The following PRKN variants were observed in gnomAD, a reference collection of about 807,000 sequenced individuals.
PRKN encodes E3 ubiquitin-protein ligase parkin.
PRKN carries 56 observed loss-of-function variants against 59.5 expected under a neutral mutation model. The ratio of observed to expected loss-of-function variants is 0.94; its 90% confidence interval spans 0.76 to 1.18. The LOEUF is 1.18. Ranked by LOEUF, PRKN falls within the 50% of genes most tolerant of loss-of-function variation. The probability of loss-of-function intolerance (pLI) is 0.00; values close to 1 mark genes in which losing one functional copy is unlikely to be tolerated. For synonymous variants in PRKN, 250 were observed against 222.1 expected (o/e 1.13, Z -1.12); for missense variants, 657 against 596.4 (o/e 1.10, Z -1.06).
At chr6:162,338,246 TCTCTCC>T (rs748177724) in intron 2 of PRKN, among the ~76,000 whole-genome samples, 155 of 151,864 alleles carry the variant, frequency 1.0e-3, no homozygotes, top group Middle Eastern at 3.4e-3. Context: ...AAAAGAGTGT[TCTCTCC>T]CTCTCCCTCT....
At chr6:162,001,462 G>A (rs1387506644) in intron 5 of PRKN, among the ~76,000 whole-genome samples, 1 of 151,942 alleles carries the variant, frequency 6.6e-6, no homozygotes, top group Admixed American at 6.6e-5. Flanking sequence ...TACATTGCTG[G>A]TACAGAGGGA....
intron 7 of PRKN, among the ~76,000 whole-genome samples, chr6:161,631,765 CCAGA>C (rs1165176616): frequency 4.0e-5 from 3 of 74,718 alleles, no homozygotes; most frequent in Non-Finnish European, 5.2e-5. Context: ...ACGCACACAC[CCAGA>C]CAAACACACA....
intron 7 of PRKN, among the ~76,000 whole-genome samples, chr6:161,686,964 G>A (rs529036779): frequency 6.6e-6 from 1 of 152,362 alleles, no homozygotes; most frequent in South Asian, 2.1e-4. Context: ...TGAAGACAGA[G>A]AAGGTTTCTT....
At chr6:162,619,157 T>C (rs960434907) in intron 1 of PRKN, among the ~76,000 whole-genome samples, 8 of 151,340 alleles carry the variant, frequency 5.3e-5, no homozygotes, top group Admixed American at 2.0e-4. Flanking sequence ...TTTTTTTTTT[T>C]TTTTGAGATG....
chr6:162,019,838 G>A (rs1783066697), intron 5 of PRKN, among the ~76,000 whole-genome samples: 1 of 152,076 alleles, frequency 6.6e-6, no homozygotes, highest in South Asian at 2.1e-4. Context: ...GGCCAACATG[G>A]TGAAACCCTG....
chr6:162,367,294 C>T (rs879383957), intron 2 of PRKN, among the ~76,000 whole-genome samples: 7 of 152,124 alleles, frequency 4.6e-5, no homozygotes, highest in Admixed American at 3.3e-4. Flanking sequence ...AAACCTCTTT[C>T]CTTTATTAAT....
intron 1 of PRKN, among the ~76,000 whole-genome samples, chr6:162,726,576 G>GATGTTAA (rs1307982036): frequency 6.6e-6 from 1 of 152,204 alleles, no homozygotes; most frequent in African/African-American, 2.4e-5. Context: ...CTGATGGGGA[G>GATGTTAA]AATGTTTACA....
At chr6:161,979,273 A>T (rs1277270965) in intron 5 of PRKN, among the ~76,000 whole-genome samples, 8 of 151,910 alleles carry the variant, frequency 5.3e-5, no homozygotes, top group Non-Finnish European at 1.2e-4. Context: ...AAGCGTTTTC[A>T]ACTTTATTTA....
chr6:162,341,921 T>C (rs1784196466), intron 2 of PRKN, among the ~76,000 whole-genome samples: 1 of 151,862 alleles, frequency 6.6e-6, no homozygotes, highest in African/African-American at 2.4e-5. Context: ...AAAAAACTCC[T>C]GGTGTCACTT....
chr6:161,850,152 A>T (rs530592788), intron 6 of PRKN, among the ~76,000 whole-genome samples: 1 of 152,276 alleles, frequency 6.6e-6, no homozygotes, highest in South Asian at 2.1e-4. Context: ...TGACTCCTGG[A>T]AGACAGCCAT....
intron 2 of PRKN, among the ~76,000 whole-genome samples, chr6:162,374,602 A>AG (rs1158054560): frequency 3.3e-5 from 5 of 151,396 alleles, no homozygotes; most frequent in African/African-American, 1.2e-4. Flanking sequence ...CCCAAACTTT[A>AG]CTGTTGGCTT....
At chr6:161,541,165 T>C (rs1199913805) in intron 9 of PRKN, among the ~76,000 whole-genome samples, 1 of 152,234 alleles carries the variant, frequency 6.6e-6, no homozygotes, top group Non-Finnish European at 1.5e-5. Flanking sequence ...GAAAATGGGC[T>C]ATATCTGCAC....
chr6:161,664,543 AT>A (rs200292111), intron 7 of PRKN, among the ~76,000 whole-genome samples: 1 of 150,114 alleles, frequency 6.7e-6, no homozygotes, highest in Non-Finnish European at 1.5e-5. Flanking sequence ...ATGGGAAAAA[AT>A]CCTAGGGTAA....
chr6:162,358,238 C>T (rs1313836316), intron 2 of PRKN, among the ~76,000 whole-genome samples: 3 of 152,056 alleles, frequency 2.0e-5, no homozygotes, highest in Admixed American at 2.0e-4. Flanking sequence ...AAATTACAGA[C>T]AAAAGTTAGT....
At chr6:162,077,999 TCTAAA>T (rs1222538772) in intron 4 of PRKN, among the ~76,000 whole-genome samples, 2 of 53,870 alleles carry the variant, frequency 3.7e-5, no homozygotes, top group Admixed American at 2.5e-4. Context: ...AGACTCTCTC[TCTAAA>T]AAAAAAAAAA....
chr6:161,668,519 T>C (rs922477628), intron 7 of PRKN, among the ~76,000 whole-genome samples: 6 of 152,208 alleles, frequency 3.9e-5, no homozygotes, highest in Middle Eastern at 3.2e-3. Flanking sequence ...GGTTCTAATG[T>C]TGATCACCAT....
At chr6:161,598,686 T>A (rs1007435500) in intron 7 of PRKN, among the ~76,000 whole-genome samples, 2 of 152,242 alleles carry the variant, frequency 1.3e-5, no homozygotes, top group Non-Finnish European at 2.9e-5. Context: ...CTTCAAAGCA[T>A]AAGATACAGG....
At chr6:162,563,031 A>G (rs1054240896) in intron 1 of PRKN, among the ~76,000 whole-genome samples, 39 of 152,296 alleles carry the variant, frequency 2.6e-4, no homozygotes, top group Admixed American at 1.9e-3. Flanking sequence ...AGCCGGGCGC[A>G]GTGGCTCACG....
chr6:161,652,850 A>C (rs6911845), intron 7 of PRKN, among the ~76,000 whole-genome samples: 4 of 152,052 alleles, frequency 2.6e-5, no homozygotes, highest in Non-Finnish European at 5.9e-5. Context: ...AAAGAGCCCC[A>C]GGTGATGTAA....
Sources: gnomAD v4.1 joint callset for allele counts (sites outside exome capture counted in the v4.1 genomes callset) on GRCh38, gnomAD v4.1.1 for gene constraint, MANE v1.5 for transcripts, NCBI Gene and HGNC (gene_info 2026-07-23, HGNC 2026-07-21) for gene names.